Variants in GALNT13 observed in about 807,000 individuals in gnomAD.
GALNT13 encodes UDP-GalNAc:polypeptide N-acetylgalactosaminyltransferase 13.
In GALNT13, 28 loss-of-function variants were observed where a neutral mutation model predicts 64.2. The observed-to-expected ratio is 0.44, with a 90% CI of 0.32 to 0.60. The LOEUF is 0.60. Among genes scored for constraint, GALNT13 ranks in the 20% least tolerant of loss-of-function variants. The pLI is 0.05. For synonymous variants in GALNT13, 214 were observed against 224.6 expected (o/e 0.95, Z 0.42); for missense variants, 577 against 669.8 (o/e 0.86, Z 1.53).
intron 3 of GALNT13, among the ~76,000 whole-genome samples, chr2:154,131,839 T>C (rs1377033981): frequency 6.6e-6 from 1 of 152,134 alleles, no homozygotes; most frequent in Non-Finnish European, 1.5e-5. Flanking sequence ...ACCTCAAAAG[T>C]AGGGAAGCCA....
chr2:153,956,998 C>T (rs1692613007), intron 3 of GALNT13, among the ~76,000 whole-genome samples: 1 of 151,916 alleles, frequency 6.6e-6, no homozygotes, highest in African/African-American at 2.4e-5. Context: ...AGTGATTTAC[C>T]AAAGTAAAAA....
intron 3 of GALNT13, among the ~76,000 whole-genome samples, chr2:154,001,872 T>C (rs1331236847): frequency 1.3e-5 from 2 of 152,118 alleles, no homozygotes; most frequent in Non-Finnish European, 2.9e-5. Flanking sequence ...TCCTTAGCTT[T>C]TGTTTTTCTG....
chr2:153,814,984 A>G, the GALNT13 span, among the ~76,000 whole-genome samples: 17 of 152,328 alleles, frequency 1.1e-4, no homozygotes, highest in East Asian at 3.3e-3. Context: ...GAGAACTACA[A>G]TTCAACCCCC....
At chr2:153,784,526 A>G in the GALNT13 span, among the ~76,000 whole-genome samples, 1 of 152,344 alleles carries the variant, frequency 6.6e-6, no homozygotes, top group African/African-American at 2.4e-5. Flanking sequence ...TAGGCCGTCA[A>G]AACAACTACA....
At chr2:153,362,637 A>G in the GALNT13 span, among the ~76,000 whole-genome samples, 1 of 151,986 alleles carries the variant, frequency 6.6e-6, no homozygotes, top group Non-Finnish European at 1.5e-5. Context: ...ATCAAAAAAG[A>G]CGAAGGATAT....
intron 4 of GALNT13, among the ~76,000 whole-genome samples, chr2:154,161,906 G>A (rs1332634925): frequency 1.3e-5 from 2 of 151,778 alleles, no homozygotes; most frequent in East Asian, 1.9e-4. Context: ...TCAGCCACCC[G>A]AGTAGCTGGG....
At chr2:154,129,847 T>G (rs538723112) in intron 3 of GALNT13, among the ~76,000 whole-genome samples, 4 of 152,262 alleles carry the variant, frequency 2.6e-5, no homozygotes, top group African/African-American at 7.2e-5. Flanking sequence ...TGAGATCTCC[T>G]GATCATCAAC....
At chr2:153,262,520 C>T in the GALNT13 span, among the ~76,000 whole-genome samples, 403 of 152,230 alleles carry the variant, frequency 2.6e-3, 7 homozygotes, top group South Asian at 0.037. Context: ...GGCCAGTATC[C>T]GTGATTAACA....
intron 4 of GALNT13, among the ~76,000 whole-genome samples, chr2:154,211,155 A>G (rs1475411416): frequency 6.6e-6 from 1 of 152,024 alleles, no homozygotes; most frequent in Non-Finnish European, 1.5e-5. Context: ...TCCTTAGGTT[A>G]TTTTGTCATG....
At chr2:153,933,949 T>C (rs983041850) in intron 2 of GALNT13, among the ~76,000 whole-genome samples, 1 of 152,180 alleles carries the variant, frequency 6.6e-6, no homozygotes, top group Non-Finnish European at 1.5e-5. Flanking sequence ...ATAAGGTTTC[T>C]ACTGAAAAGT....
At chr2:153,356,727 G>A in the GALNT13 span, 12 of 150,760 alleles carry the variant, frequency 8.0e-5, no homozygotes, top group African/African-American at 2.2e-4. Context: ...ATCATTCCTC[G>A]AATTGTATAC....
At chr2:154,325,019 C>T (rs1290420965) in intron 9 of GALNT13, among the ~76,000 whole-genome samples, 1 of 152,062 alleles carries the variant, frequency 6.6e-6, no homozygotes, top group Non-Finnish European at 1.5e-5. Flanking sequence ...CTTCATTCTT[C>T]CCTGAGCTCT....
chr2:153,094,569 C>G, the GALNT13 span, among the ~76,000 whole-genome samples: 1 of 152,088 alleles, frequency 6.6e-6, no homozygotes, highest in Non-Finnish European at 1.5e-5. Flanking sequence ...AAAAAGAGCC[C>G]GCATTGCCAA....
chr2:153,521,920 A>G, the GALNT13 span, among the ~76,000 whole-genome samples: 37 of 152,242 alleles, frequency 2.4e-4, no homozygotes, highest in African/African-American at 8.7e-4. Context: ...GTCTGGGTGT[A>G]CCACAGTTTG....
At chr2:153,783,533 C>T in the GALNT13 span, among the ~76,000 whole-genome samples, 5 of 152,074 alleles carry the variant, frequency 3.3e-5, no homozygotes, top group African/African-American at 1.2e-4. Flanking sequence ...CTTTCAGGCT[C>T]CATTTTAATC....
the GALNT13 span, among the ~76,000 whole-genome samples, chr2:153,583,347 T>C: frequency 6.6e-6 from 1 of 152,226 alleles, no homozygotes; most frequent in African/African-American, 2.4e-5. Context: ...GATGGTTGAC[T>C]AGAAGAATTT....
At chr2:153,098,834 C>A in the GALNT13 span, among the ~76,000 whole-genome samples, 1 of 152,206 alleles carries the variant, frequency 6.6e-6, no homozygotes, top group African/African-American at 2.4e-5. Context: ...TTAGCTTGAC[C>A]AGATAAAATA....
At chr2:153,187,354 C>T in the GALNT13 span, 1 of 152,126 alleles carries the variant, frequency 6.6e-6, no homozygotes, top group Non-Finnish European at 1.5e-5. Context: ...TTTTCCTCTG[C>T]AGAAAATGTG....
At chr2:154,427,142 A>G (rs996006675) in intron 11 of GALNT13, among the ~76,000 whole-genome samples, 1 of 152,230 alleles carries the variant, frequency 6.6e-6, no homozygotes, top group Non-Finnish European at 1.5e-5. Flanking sequence ...TGGCTTATTC[A>G]GTCTGTAAAA....
Sources: allele counts gnomAD v4.1 joint callset (sites outside exome capture counted in the v4.1 genomes callset), GRCh38; gene constraint gnomAD v4.1.1; transcripts MANE v1.5; gene names NCBI Gene and HGNC (gene_info 2026-07-23, HGNC 2026-07-21).